Variants in SREBF2 observed in about 807,000 individuals in gnomAD.
The protein encoded by SREBF2 is sterol regulatory element-binding protein 2.
Under a neutral mutation model 113.1 loss-of-function variants are expected in SREBF2, and 55 were observed. The observed-to-expected ratio is 0.49, with a 90% CI of 0.39 to 0.61. The LOEUF (loss-of-function observed/expected upper bound fraction) is 0.61, where lower values mean the gene tolerates loss of function less well. Ranked by LOEUF, SREBF2 falls within the 20% of genes least tolerant of loss-of-function variation. The pLI, the probability that SREBF2 is intolerant of heterozygous loss-of-function variation, is 0.00. For synonymous variants in SREBF2, 593 were observed against 605.7 expected (o/e 0.98, Z 0.31); for missense variants, 1,349 against 1,487.4 (o/e 0.91, Z 1.53).
chr22:41,884,502 C>T (rs969904415), intron 10 of SREBF2, among the ~76,000 whole-genome samples: 1 of 152,168 alleles, frequency 6.6e-6, no homozygotes, highest in African/African-American at 2.4e-5. Context: ...ATTTCATTAC[C>T]TCTGTTGAAT....
Position 41,905,550 on chromosome 22 carries a change from C to T in SREBF2, c.3316C>T (p.Leu1106=), listed in dbSNP as rs11538312. 6.3e-3 allele frequency: 10,002 copies of T among 1,590,696 alleles called. 33 individuals carry two copies. The highest frequency in any genetic ancestry group is 7.5e-3 in the Non-Finnish European group (8,772 of 1,169,280). The change falls in exon 19 of 19, where the codon CTG becomes TTG. Residue 1106 remains leucine (L), a synonymous_variant. Transcript: ENST00000361204. ...CTCCCCGGGCCAGCGGGCAGTGCTG[C>T]TGGCCGAAGCTGCCCGCACCCTGGA... ...LSSPGQRAVL[L]AEAARTLEKV... is the part of the protein sequence containing the mutation.
intron 13 of SREBF2, among the ~76,000 whole-genome samples, chr22:41,896,564 G>C (rs918308318): frequency 2.0e-5 from 3 of 152,134 alleles, no homozygotes; most frequent in African/African-American, 7.2e-5. Context: ...TTTCACCATT[G>C]GTCAGGCTGG....
chr22:41,898,820 A>G (rs1183500905), intron 15 of SREBF2, 39 bp downstream of exon 15: 2 of 1,611,252 alleles, frequency 1.2e-6, no homozygotes, highest in Non-Finnish European at 1.7e-6. Context: ...GCTTCTCTCC[A>G]GGGGAATCTT....
chr22:41,895,636 A>G (rs987678378), intron 13 of SREBF2, among the ~76,000 whole-genome samples: 2 of 150,718 alleles, frequency 1.3e-5, no homozygotes, highest in Non-Finnish European at 3.0e-5. Flanking sequence ...AGGTTTCACC[A>G]TGTCATTCAG....
intron 1 of SREBF2, among the ~76,000 whole-genome samples, chr22:41,848,105 TTTA>T (rs553355817): frequency 4.6e-5 from 7 of 151,878 alleles, no homozygotes; most frequent in African/African-American, 7.2e-5. Context: ...TTTTTATTTA[TTTA>T]TTATTATTAT....
intron 1 of SREBF2, among the ~76,000 whole-genome samples, chr22:41,847,280 G>A (rs1252780316): frequency 6.6e-6 from 1 of 152,172 alleles, no homozygotes; most frequent in African/African-American, 2.4e-5. Context: ...TTGGCAGTGG[G>A]TCACCTGAAA....
chr22:41,839,499 A>C (rs930705210), intron 1 of SREBF2, among the ~76,000 whole-genome samples: 2 of 152,160 alleles, frequency 1.3e-5, no homozygotes, highest in African/African-American at 2.4e-5. Context: ...TAGGAGGCCA[A>C]ACCTTGCCAG....
chr22:41,901,275 G>A (rs532273194), intron 16 of SREBF2, among the ~76,000 whole-genome samples: 1 of 152,330 alleles, frequency 6.6e-6, no homozygotes, highest in Non-Finnish European at 1.5e-5. Flanking sequence ...GGCTAGGCTA[G>A]TACTTCAAGC....
chr22:41,844,049 C>T (rs537271446), intron 1 of SREBF2, among the ~76,000 whole-genome samples: 20 of 142,804 alleles, frequency 1.4e-4, no homozygotes, highest in African/African-American at 4.8e-4. Context: ...CACACACACA[C>T]ACACACACAC....
At chr22:41,897,013 A>G (rs2077422232) in intron 13 of SREBF2, 39 bp from the exon 14 acceptor site, 3 of 1,446,436 alleles carry the variant, frequency 2.1e-6, no homozygotes, top group Middle Eastern at 1.8e-4. Flanking sequence ...CCTTGTGTAT[A>G]TGTTTTGATG....
In SREBF2 at chr22:41,866,991, T is replaced by TGTG. The variant is rs778173987; in HGVS notation, c.251_253dup (p.Val84dup). 4.3e-6 allele frequency: 7 copies of TGTG among 1,614,030 alleles called. No homozygotes were observed. In the South Asian group the frequency reaches 7.7e-5, roughly 18 times the overall value. ...ATGGCAGGGGCAGCAGCAGCGGAGC[T>TGTG]GTGGACCCTTCAGTGCAACGGTCAT... is the stretch of plus-strand genomic sequence containing the variant. On this transcript the variant is annotated inframe_insertion, in exon 2 of 19. Transcript: ENST00000361204.
chr22:41,848,328 C>A (rs943428649), intron 1 of SREBF2, among the ~76,000 whole-genome samples: 1 of 152,018 alleles, frequency 6.6e-6, no homozygotes, highest in Admixed American at 6.6e-5. Context: ...ACCTCATGAT[C>A]CGCCCACCGT....
At chr22:41,875,506 A>G (rs967860395) in intron 6 of SREBF2, 37 bp from the exon 7 acceptor site, 3 of 1,614,112 alleles carry the variant, frequency 1.9e-6, no homozygotes, top group African/African-American at 2.7e-5. Flanking sequence ...GCTTTGTAAA[A>G]GCAGATCATT....
intron 10 of SREBF2, among the ~76,000 whole-genome samples, chr22:41,883,290 T>C (rs957701652): frequency 6.6e-6 from 1 of 152,124 alleles, no homozygotes; most frequent in African/African-American, 2.4e-5. Flanking sequence ...GTTAGATACC[T>C]TGATGGCAGT....
At chr22:41,864,007 C>T (rs984080430) in intron 1 of SREBF2, among the ~76,000 whole-genome samples, 1 of 150,982 alleles carries the variant, frequency 6.6e-6, no homozygotes, top group Non-Finnish European at 1.5e-5. Flanking sequence ...GCCTCAGCCT[C>T]CCGAGTAGCT....
chr22:41,857,778 GC>G (rs1280525617), intron 1 of SREBF2, among the ~76,000 whole-genome samples: 1 of 152,138 alleles, frequency 6.6e-6, no homozygotes, highest in African/African-American at 2.4e-5. Flanking sequence ...GCTCTGATGT[GC>G]CCCCTGGTGT....
intron 5 of SREBF2, 52 bp downstream of exon 5, chr22:41,874,071 G>C: frequency 1.2e-6 from 2 of 1,601,314 alleles, no homozygotes; most frequent in Non-Finnish European, 1.7e-6. Flanking sequence ...CCCTCTACCT[G>C]TTTTTGCCTC....
chr22:41,896,739 G>A lies in SREBF2; in HGVS notation c.2496-313G>A, dbSNP rs145802080. On this transcript the variant is annotated intron_variant, in intron 13 of 18. Transcript: ENST00000361204. ...GGGGAGGGGGCAGTTCTGCCTGGGA[G>A]ATAAGAAAACTTTTGGGAGGAGATG... is the stretch of plus-strand genomic sequence containing the variant. Among the ~76,000 whole-genome samples the A allele has an allele frequency of 3.3e-3, 499 of 152,326 alleles. 6 individuals are homozygous for A. Among genetic ancestry groups the A allele is most frequent in the African/African-American group, 0.011 (470 of 41,574 alleles).
At chr22:41,848,768 C>G (rs1033070267) in intron 1 of SREBF2, among the ~76,000 whole-genome samples, 2 of 152,094 alleles carry the variant, frequency 1.3e-5, no homozygotes, top group South Asian at 2.1e-4. Flanking sequence ...CAGGTCACCC[C>G]CTCTTTGGAC....
Sources: gnomAD v4.1 joint callset for allele counts (sites outside exome capture counted in the v4.1 genomes callset) on GRCh38, gnomAD v4.1.1 for gene constraint, MANE v1.5 for transcripts, NCBI Gene and HGNC (gene_info 2026-07-23, HGNC 2026-07-21) for gene names.